The following SRGAP3 variants were observed in gnomAD, a reference collection of about 807,000 sequenced individuals.
SRGAP3 encodes SLIT-ROBO Rho GTPase activating protein 3.
A neutral mutation model predicts 121.1 loss-of-function variants in SRGAP3; 39 were observed. That is an observed-to-expected ratio of 0.32 (90% CI 0.25 to 0.42). SRGAP3 has a LOEUF of 0.42. SRGAP3 is among the 10% of genes least tolerant of loss of function. SRGAP3 has a pLI of 1.00. For missense variants in SRGAP3, 1,213 were observed against 1,470.6 expected, an observed-to-expected ratio of 0.82 and a Z score of 2.86; for synonymous variants, 601 against 570.0, an observed-to-expected ratio of 1.05 and a Z score of -0.77.
At chr3:9,332,762 G>A (rs751234291) in intron 1 of SRGAP3, among the ~76,000 whole-genome samples, 1 of 152,182 alleles carries the variant, frequency 6.6e-6, no homozygotes, top group Non-Finnish European at 1.5e-5. Context: ...GTGGCAGGCT[G>A]AGTTTCAATT....
At chr3:9,187,507 A>G (rs1951633327) in intron 1 of SRGAP3, among the ~76,000 whole-genome samples, 1 of 152,030 alleles carries the variant, frequency 6.6e-6, no homozygotes. Flanking sequence ...CAACCTCCTA[A>G]TCACAAATCG....
At position 9,239,646 on chromosome 3, in the gene SRGAP3, G is replaced by A. The variant is rs966098894; in HGVS notation, c.67+9239C>T. On this transcript the variant is annotated intron_variant, in intron 1 of 21. Coordinates refer to ENST00000383836, the MANE Select transcript of SRGAP3 (RefSeq NM_014850.4). This position sits in a 1 kb window ranked among gnomAD's most constrained non-coding sequence, Gnocchi z 4.0. The stretch of plus-strand genomic sequence containing the variant: ...TACCATCACGCACAGATGGGCACAC[G>A]CAATGCATATTGATTAGGGCTGCAC... Among the ~76,000 whole-genome samples the A allele has an allele frequency of 2.6e-5, 4 of 152,158 alleles. No homozygotes were observed. The highest frequency in any genetic ancestry group is 1.9e-4 in the East Asian group (1 of 5,200).
At chr3:9,144,619 C>A (rs1249766003) in intron 1 of SRGAP3, among the ~76,000 whole-genome samples, 2 of 152,216 alleles carry the variant, frequency 1.3e-5, no homozygotes, top group Non-Finnish European at 2.9e-5. Context: ...ATGGGTTTAT[C>A]AGGGTTTTCT....
chr3:9,135,418 A>G (rs1337773424), intron 1 of SRGAP3, among the ~76,000 whole-genome samples: 1 of 152,044 alleles, frequency 6.6e-6, no homozygotes, highest in Non-Finnish European at 1.5e-5. Context: ...GATGATGGAG[A>G]CTCACTCTCC....
chr3:9,227,802 T>TG lies in SRGAP3; in HGVS notation c.67+21082dup, dbSNP rs1467302964. Among the ~76,000 whole-genome samples, 15 of 152,214 alleles carry TG rather than the reference T, an allele frequency of 9.9e-5. No individual in the cohort carries two copies. The East Asian group carries it at 2.9e-3, about 29-fold the overall frequency. On this transcript the variant is annotated intron_variant, in intron 1 of 21. Transcript: ENST00000383836. Reference sequence around the variant, plus strand: ...CCCCTCCCTCATTCCCCTCAGGGGTTGGGGGGCAGTCAGAGACAAATACAG... The same window carrying TG: ...CCCCTCCCTCATTCCCCTCAGGGGTTGGGGGGGCAGTCAGAGACAAATACAG...
chr3:9,076,867 C>T (rs1946996783), intron 4 of SRGAP3, among the ~76,000 whole-genome samples: 1 of 152,158 alleles, frequency 6.6e-6, no homozygotes, highest in South Asian at 2.1e-4. Context: ...AGTTACACAG[C>T]CAAGCCCAGA....
chr3:9,163,841 G>A (rs1175599399), intron 1 of SRGAP3, among the ~76,000 whole-genome samples: 1 of 152,068 alleles, frequency 6.6e-6, no homozygotes, highest in Non-Finnish European at 1.5e-5. Flanking sequence ...GTCACCACTG[G>A]GGTAGACTCA....
At chr3:9,234,151 C>T (rs1953321078) in intron 1 of SRGAP3, among the ~76,000 whole-genome samples, 1 of 152,124 alleles carries the variant, frequency 6.6e-6, no homozygotes, top group African/African-American at 2.4e-5. Context: ...ATTCAAACAA[C>T]CACAACCAGG....
At chr3:9,154,625 C>G (rs559394156) in intron 1 of SRGAP3, among the ~76,000 whole-genome samples, 1 of 152,284 alleles carries the variant, frequency 6.6e-6, no homozygotes, top group Admixed American at 6.5e-5. Flanking sequence ...CCAGAGAGCC[C>G]AAGGAACATG....
At chr3:9,028,261 C>T in intron 12 of SRGAP3, 1 of 1,250,488 alleles carries the variant, frequency 8.0e-7, no homozygotes, top group South Asian at 1.3e-5. Context: ...CAGCCAAGGT[C>T]CTGGGGAGCC....
intron 21 of SRGAP3, among the ~76,000 whole-genome samples, chr3:8,989,692 T>G (rs1355891513): frequency 6.6e-6 from 1 of 152,172 alleles, no homozygotes; most frequent in Non-Finnish European, 1.5e-5. Context: ...AAAAAACCCA[T>G]GAAACCGGCT....
At chr3:8,997,889 TC>T (rs1250045792) in intron 18 of SRGAP3, among the ~76,000 whole-genome samples, 1 of 150,356 alleles carries the variant, frequency 6.7e-6, no homozygotes, top group African/African-American at 2.5e-5. Flanking sequence ...TTTTTTTTTT[TC>T]TTTTTCTTGA....
chr3:9,246,317 A>T (rs1953822533), intron 1 of SRGAP3, among the ~76,000 whole-genome samples: 1 of 152,214 alleles, frequency 6.6e-6, no homozygotes, highest in Non-Finnish European at 1.5e-5. Context: ...GGAGAAAGGT[A>T]ATTGGCCTCG....
At chr3:9,093,158 T>C (rs1235979420) in intron 3 of SRGAP3, among the ~76,000 whole-genome samples, 1 of 152,214 alleles carries the variant, frequency 6.6e-6, no homozygotes, top group Admixed American at 6.5e-5. Flanking sequence ...ACTATGGATG[T>C]TGTTAGGCTT....
chr3:9,333,047 G>C (rs1955636776), intron 1 of SRGAP3, among the ~76,000 whole-genome samples: 1 of 152,248 alleles, frequency 6.6e-6, no homozygotes, highest in Admixed American at 6.5e-5. Flanking sequence ...CTAGCTTCTT[G>C]ACAGAATGAC....
intron 1 of SRGAP3, among the ~76,000 whole-genome samples, chr3:9,349,401 T>C (rs1049169408): frequency 2.0e-5 from 3 of 152,232 alleles, no homozygotes; most frequent in Non-Finnish European, 2.9e-5. Flanking sequence ...ACAGCACTTC[T>C]AGGGCAAGGC....
chr3:9,121,368 G>T (rs574358832), intron 2 of SRGAP3, among the ~76,000 whole-genome samples: 32 of 152,342 alleles, frequency 2.1e-4, no homozygotes, highest in South Asian at 1.7e-3. Flanking sequence ...CCAGATGAAG[G>T]GAGCAGAGAG....
intron 1 of SRGAP3, among the ~76,000 whole-genome samples, chr3:9,346,753 CTTTTTTTTTT>C (rs142138773): frequency 7.7e-5 from 10 of 130,536 alleles, no homozygotes; most frequent in Non-Finnish European, 1.5e-4. Flanking sequence ...GCAATTTTTT[CTTTTTTTTTT>C]TTTTTTTTGA....
upstream of SRGAP3, among the ~76,000 whole-genome samples, chr3:9,254,429 T>C (rs1559245226): frequency 1.3e-5 from 2 of 152,194 alleles, no homozygotes; most frequent in Non-Finnish European, 2.9e-5. Context: ...AGAGTGGTTG[T>C]CAGGGGCTAG....
Sources: gnomAD v4.1 joint callset for allele counts (sites outside exome capture counted in the v4.1 genomes callset) on GRCh38, gnomAD v4.1.1 for gene constraint, Gnocchi (gnomAD v3.1) non-coding constraint, MANE v1.5 for transcripts, NCBI Gene and HGNC (gene_info 2026-07-23, HGNC 2026-07-21) for gene names.